Variants in MYO5B observed in about 807,000 individuals in gnomAD.
The protein encoded by MYO5B is unconventional myosin-Vb.
Under a neutral mutation model 229.3 loss-of-function variants are expected in MYO5B, and 143 were observed. The ratio of observed to expected loss-of-function variants is 0.62; its 90% CI spans 0.54 to 0.72. MYO5B has a LOEUF of 0.72. Among genes scored for constraint, MYO5B ranks in the 30% least tolerant of loss-of-function variants. The pLI, the probability that MYO5B is intolerant of heterozygous loss-of-function variation, is 0.00. For missense variants in MYO5B, 2,321 were observed against 2,331.0 expected, an observed-to-expected ratio of 1.00 and a Z score of 0.09; for synonymous variants, 918 against 885.2, an observed-to-expected ratio of 1.04 and a Z score of -0.66.
rs1468587264 is a variant in MYO5B, at chr18:49,843,303, C to G, written c.4549G>C (p.Asp1517His). ...MCIRHADYTN[D>H]DLKVHSLLTS... ...AGCAGGGAGTGCACCTTGAGATCGT[C>G]GTTGGTGTAGTCCGCGTGCCGGATG... The change falls in exon 34 of 40, where the codon GAC becomes CAC. Residue 1517 changes from aspartate (D) to histidine (H), a missense_variant. Physicochemically the swap from Asp to His is moderately conservative, Grantham distance 81. Transcript: ENST00000285039. 1 of 1,614,082 alleles carries G rather than the reference C, an allele frequency of 6.2e-7. No homozygotes were observed. Among genetic ancestry groups the G allele is most frequent in the Admixed American group, 1.7e-5 (1 of 60,008 alleles).
At chr18:49,886,159 T>G (rs2024639788) in intron 22 of MYO5B, among the ~76,000 whole-genome samples, 1 of 152,162 alleles carries the variant, frequency 6.6e-6, no homozygotes, top group Non-Finnish European at 1.5e-5. Context: ...AGGTTGGTCT[T>G]GAACTCTTGG....
At chr18:49,983,025 A>G (rs898684296) in intron 8 of MYO5B, among the ~76,000 whole-genome samples, 1 of 152,174 alleles carries the variant, frequency 6.6e-6, no homozygotes, top group African/African-American at 2.4e-5. Context: ...AGAAGAATGT[A>G]TCCTGCACAC....
chr18:50,081,424 A>G (rs1179346118), intron 1 of MYO5B, among the ~76,000 whole-genome samples: 1 of 152,244 alleles, frequency 6.6e-6, no homozygotes, highest in Non-Finnish European at 1.5e-5. Flanking sequence ...CAGCTGATTC[A>G]TACACTCTAC....
chr18:49,957,560 C>G lies in MYO5B; in HGVS notation c.1546-3125G>C, dbSNP rs539077934. On this transcript the variant is annotated intron_variant, in intron 12 of 39. Transcript: ENST00000285039. ...ACTGGGGAGACTAAGGCAGGAGGAT[C>G]GCTTGAGCCTGGTAGGTTGGGGCCG... Among the ~76,000 whole-genome samples the G allele has an allele frequency of 2.0e-3, 304 of 151,984 alleles. 2 individuals are homozygous for G. Among genetic ancestry groups the G allele is most frequent in the Non-Finnish European group, 3.2e-3 (215 of 67,968 alleles).
At chr18:49,857,989 C>T (rs2024283015) in intron 29 of MYO5B, among the ~76,000 whole-genome samples, 1 of 152,194 alleles carries the variant, frequency 6.6e-6, no homozygotes. Context: ...AGAACTGCAT[C>T]CAAACAGCCC....
At position 50,027,093 on chromosome 18, in the gene MYO5B, T is replaced by G. The variant is rs556214968; in HGVS notation, c.455+9757A>C. The stretch of plus-strand genomic sequence containing the variant: ...AAATACACAGTAGAAAAAGAAAGAG[T>G]GGTTAACACAGCATGAACGGCATTA... On this transcript the variant is annotated intron_variant, in intron 4 of 39. Coordinates refer to ENST00000285039, the MANE Select transcript of MYO5B (RefSeq NM_001080467.3). 4.6e-5 allele frequency among the ~76,000 whole-genome samples: 7 copies of G among 152,124 alleles called. No homozygotes were observed. In the South Asian group the frequency reaches 1.2e-3, roughly 27 times the overall value.
At chr18:50,097,788 T>G (rs1208104059) in intron 1 of MYO5B, among the ~76,000 whole-genome samples, 3 of 152,134 alleles carry the variant, frequency 2.0e-5, no homozygotes, top group Non-Finnish European at 1.5e-5. Context: ...TGACTGCCCA[T>G]GAAGCAGCCG....
chr18:50,032,813 C>T (rs1236914365), intron 4 of MYO5B, among the ~76,000 whole-genome samples: 1 of 152,106 alleles, frequency 6.6e-6, no homozygotes, highest in Non-Finnish European at 1.5e-5. Context: ...AGGCAAAACC[C>T]TGTCTCTACT....
At chr18:49,842,603 C>T (rs2024072161) in intron 34 of MYO5B, among the ~76,000 whole-genome samples, 4 of 152,246 alleles carry the variant, frequency 2.6e-5, no homozygotes, top group Admixed American at 2.6e-4. Flanking sequence ...TCACCTCCCC[C>T]ACTGCCTGGC....
intron 1 of MYO5B, among the ~76,000 whole-genome samples, chr18:50,193,325 T>A (rs2033253781): frequency 6.6e-6 from 1 of 152,310 alleles, no homozygotes. Flanking sequence ...GCTGCACAGG[T>A]GGCCCCTGGT....
At chr18:50,174,199 C>G (rs2032960939) in intron 1 of MYO5B, among the ~76,000 whole-genome samples, 1 of 152,134 alleles carries the variant, frequency 6.6e-6, no homozygotes, top group African/African-American at 2.4e-5. Context: ...GTTCTGCAGA[C>G]AAACAGAATA....
intron 2 of MYO5B, among the ~76,000 whole-genome samples, chr18:50,042,755 A>C (rs1023912452): frequency 6.6e-6 from 1 of 152,156 alleles, no homozygotes; most frequent in African/African-American, 2.4e-5. Context: ...GACCTGAGAG[A>C]GCACAGCTGC....
chr18:49,828,441 G>C (rs1240773262), intron 39 of MYO5B, among the ~76,000 whole-genome samples: 1 of 152,210 alleles, frequency 6.6e-6, no homozygotes, highest in East Asian at 1.9e-4. Flanking sequence ...TATTTGAAGG[G>C]AGAATTGACA....
intron 16 of MYO5B, 100 bp from the exon 17 acceptor site, chr18:49,929,698 G>A (rs760881203): frequency 4.8e-6 from 5 of 1,042,442 alleles, no homozygotes; most frequent in Admixed American, 4.0e-5. Context: ...AGCATGTGAA[G>A]TACCTGCTGC....
At chr18:50,162,008 T>G (rs1459104241) in intron 1 of MYO5B, among the ~76,000 whole-genome samples, 1 of 152,264 alleles carries the variant, frequency 6.6e-6, no homozygotes, top group Non-Finnish European at 1.5e-5. Context: ...TGGAAGTGGT[T>G]ACATAGGTAC....
At chr18:49,931,715 G>A (rs1446908517) in intron 16 of MYO5B, among the ~76,000 whole-genome samples, 2 of 152,174 alleles carry the variant, frequency 1.3e-5, no homozygotes, top group Non-Finnish European at 2.9e-5. Context: ...CAGCTGCTCG[G>A]CTGCCCATGA....
At chr18:50,113,051 G>T (rs1396204693) in intron 1 of MYO5B, among the ~76,000 whole-genome samples, 1 of 152,120 alleles carries the variant, frequency 6.6e-6, no homozygotes, top group Non-Finnish European at 1.5e-5. Flanking sequence ...TCATCTCCAA[G>T]AATTAATCGT....
At chr18:50,021,372 A>G (rs1291472267) in intron 4 of MYO5B, among the ~76,000 whole-genome samples, 3 of 152,184 alleles carry the variant, frequency 2.0e-5, no homozygotes, top group African/African-American at 4.8e-5. Flanking sequence ...CGGGAGAACC[A>G]GGTTCCAGCA....
At position 50,062,794 on chromosome 18, in the gene MYO5B, C is replaced by T. The variant is rs140598875; in HGVS notation, c.28-7416G>A. 2.4e-3 allele frequency among the ~76,000 whole-genome samples: 358 copies of T among 152,230 alleles called. 1 individual carries two copies. Among genetic ancestry groups the T allele is most frequent in the African/African-American group, 7.6e-3 (315 of 41,534 alleles). ...ATTGGTGTGCTGTTGGTCATCTTCC[C>T]TTCACATTTATTGGGCTGGGCTCCC... On this transcript the variant is annotated intron_variant, in intron 1 of 39. Transcript: ENST00000285039.
Sources: gnomAD v4.1 joint callset for allele counts (sites outside exome capture counted in the v4.1 genomes callset) on GRCh38, gnomAD v4.1.1 for gene constraint, MANE v1.5 for transcripts, NCBI Gene and HGNC (gene_info 2026-07-23, HGNC 2026-07-21) for gene names.